The following TNFSF4 variants were observed in gnomAD, a reference collection of about 807,000 sequenced individuals.
TNFSF4 encodes the protein tumor necrosis factor ligand superfamily member 4.
Under a neutral mutation model 7.3 loss-of-function variants are expected in TNFSF4, and 4 were observed. The observed-to-expected ratio is 0.55, with a 90% CI of 0.27 to 1.25. The LOEUF (loss-of-function observed/expected upper bound fraction) is 1.25, where lower values mean the gene tolerates loss of function less well. TNFSF4 is among the 50% of genes most tolerant of loss of function. The pLI is 0.12. For synonymous variants in TNFSF4, 76 were observed against 83.7 expected, an observed-to-expected ratio of 0.91 and a Z score of 0.50; for missense variants, 181 against 208.8, an observed-to-expected ratio of 0.87 and a Z score of 0.82.
At chr1:173,214,456 A>G in the TNFSF4 span, among the ~76,000 whole-genome samples, 1 of 152,244 alleles carries the variant, frequency 6.6e-6, no homozygotes, top group Admixed American at 6.5e-5. Context: ...CAGTAAGAAA[A>G]AAATAACTTC....
At chr1:173,385,285 G>C in the TNFSF4 span, among the ~76,000 whole-genome samples, 14 of 152,168 alleles carry the variant, frequency 9.2e-5, no homozygotes, top group Non-Finnish European at 1.8e-4. Flanking sequence ...CCGGTGAATT[G>C]TTTTCATAAC....
At chr1:173,385,563 G>C in the TNFSF4 span, among the ~76,000 whole-genome samples, 1 of 152,218 alleles carries the variant, frequency 6.6e-6, no homozygotes, top group Admixed American at 6.5e-5. Flanking sequence ...AGCTAGTAGA[G>C]ATTTTGTGTT....
At chr1:173,419,332 A>G in the TNFSF4 span, among the ~76,000 whole-genome samples, 2 of 147,124 alleles carry the variant, frequency 1.4e-5, no homozygotes, top group Non-Finnish European at 3.0e-5. Context: ...ACAGAGCAAG[A>G]CTCCGTCTCA....
At chr1:173,266,628 T>C in the TNFSF4 span, among the ~76,000 whole-genome samples, 47 of 152,316 alleles carry the variant, frequency 3.1e-4, 1 homozygote, top group East Asian at 8.1e-3. Context: ...GCAATGTCTG[T>C]CTGGCATTCA....
intron 1 of TNFSF4, among the ~76,000 whole-genome samples, chr1:173,198,026 GA>G (rs1649780133): frequency 6.6e-6 from 1 of 151,732 alleles, no homozygotes; most frequent in African/African-American, 2.4e-5. Flanking sequence ...GTTCAATGTA[GA>G]GAAGAAAAAA....
the TNFSF4 span, among the ~76,000 whole-genome samples, chr1:173,270,603 T>C: frequency 6.6e-6 from 1 of 152,124 alleles, no homozygotes; most frequent in Admixed American, 6.6e-5. Flanking sequence ...ATCATAAATT[T>C]AAAGTCAGAC....
chr1:173,285,137 G>T, the TNFSF4 span, among the ~76,000 whole-genome samples: 1 of 152,112 alleles, frequency 6.6e-6, no homozygotes, highest in Non-Finnish European at 1.5e-5. Flanking sequence ...GAGTTTGGAA[G>T]AACTTAATAT....
chr1:173,179,850 G>A (rs1486346890), downstream of TNFSF4, among the ~76,000 whole-genome samples: 1 of 152,050 alleles, frequency 6.6e-6, no homozygotes, highest in Non-Finnish European at 1.5e-5. Context: ...ATAACCATTC[G>A]CCTTCATTTC....
chr1:173,182,881 T>G (rs1649080218), downstream of TNFSF4, among the ~76,000 whole-genome samples: 1 of 152,178 alleles, frequency 6.6e-6, no homozygotes, highest in Non-Finnish European at 1.5e-5. Context: ...TGAGGAGAAC[T>G]CTTGGGAAAT....
the TNFSF4 span, among the ~76,000 whole-genome samples, chr1:173,334,530 C>A: frequency 6.6e-6 from 1 of 152,142 alleles, no homozygotes; most frequent in Non-Finnish European, 1.5e-5. Context: ...TAAAATTAAA[C>A]ATAGAATCTC....
the TNFSF4 span, among the ~76,000 whole-genome samples, chr1:173,432,270 C>T: frequency 2.0e-5 from 3 of 152,178 alleles, no homozygotes; most frequent in Admixed American, 1.3e-4. Context: ...CAATTGCCAT[C>T]CAAACCAGAG....
chr1:173,430,226 CTTTA>C, the TNFSF4 span, among the ~76,000 whole-genome samples: 1 of 152,210 alleles, frequency 6.6e-6, no homozygotes, highest in African/African-American at 2.4e-5. Context: ...TTTGAATCTT[CTTTA>C]TTTACTCAGC....
At chr1:173,357,801 C>T in the TNFSF4 span, among the ~76,000 whole-genome samples, 1 of 152,186 alleles carries the variant, frequency 6.6e-6, no homozygotes, top group African/African-American at 2.4e-5. Flanking sequence ...TCCCAAAGTA[C>T]TGGGATTACA....
chr1:173,232,959 A>G, the TNFSF4 span, among the ~76,000 whole-genome samples: 1 of 152,204 alleles, frequency 6.6e-6, no homozygotes, highest in African/African-American at 2.4e-5. Flanking sequence ...CTCACCAGCA[A>G]TGGAACAAAG....
the TNFSF4 span, among the ~76,000 whole-genome samples, chr1:173,340,323 T>TACACACACAC: frequency 9.6e-5 from 13 of 135,758 alleles, no homozygotes; most frequent in African/African-American, 3.3e-4. Context: ...CTAATCTGTT[T>TACACACACAC]ACACACACAC....
the TNFSF4 span, among the ~76,000 whole-genome samples, chr1:173,282,477 G>C: frequency 9.5e-5 from 12 of 126,970 alleles, no homozygotes; most frequent in African/African-American, 3.1e-4. Context: ...TTTTTTTTTT[G>C]AGACAGAGTC....
At chr1:173,381,679 A>G in the TNFSF4 span, among the ~76,000 whole-genome samples, 1 of 152,136 alleles carries the variant, frequency 6.6e-6, no homozygotes, top group Admixed American at 6.5e-5. Flanking sequence ...CTTCACCCCT[A>G]TCCAGCAGGA....
the TNFSF4 span, among the ~76,000 whole-genome samples, chr1:173,276,104 A>G: frequency 1.3e-5 from 2 of 152,170 alleles, no homozygotes; most frequent in Non-Finnish European, 2.9e-5. Flanking sequence ...ATCAATATCG[A>G]CAACCAACAT....
At chr1:173,438,621 C>G in the TNFSF4 span, among the ~76,000 whole-genome samples, 1 of 152,178 alleles carries the variant, frequency 6.6e-6, no homozygotes, top group Non-Finnish European at 1.5e-5. Flanking sequence ...AATTAAAAAG[C>G]TTTCCATACT....
Sources: allele counts gnomAD v4.1 joint callset (sites outside exome capture counted in the v4.1 genomes callset), GRCh38; gene constraint gnomAD v4.1.1; transcripts MANE v1.5; gene names NCBI Gene and HGNC (gene_info 2026-07-23, HGNC 2026-07-21).